Variants in NRG4 observed in about 807,000 individuals in gnomAD.
NRG4 encodes the protein neuregulin 4.
NRG4 carries 10 observed loss-of-function variants against 15.0 expected under a neutral mutation model. That is an observed-to-expected ratio of 0.67 (90% CI 0.41 to 1.13). The LOEUF (loss-of-function observed/expected upper bound fraction) is 1.13. Ranked by LOEUF, NRG4 falls within the 50% of genes most tolerant of loss-of-function variation. NRG4 has a pLI of 0.00. For missense variants in NRG4, 139 were observed against 140.2 expected (o/e 0.99, Z 0.04); for synonymous variants, 41 against 50.1 (o/e 0.82, Z 0.77).
chr15:75,993,213 T>G (rs1450996034), intron 3 of NRG4, among the ~76,000 whole-genome samples: 1 of 151,776 alleles, frequency 6.6e-6, no homozygotes, highest in Non-Finnish European at 1.5e-5. Context: ...GTTTGCTTGG[T>G]GTTTGTTGAG....
intron 5 of NRG4, among the ~76,000 whole-genome samples, chr15:76,029,999 C>T (rs1260031813): frequency 6.6e-6 from 1 of 152,140 alleles, no homozygotes; most frequent in East Asian, 1.9e-4. Flanking sequence ...TGGCTCATGT[C>T]TGTAATCCCA....
chr15:76,008,313 G>C (rs143383799), intron 3 of NRG4, among the ~76,000 whole-genome samples: 1 of 152,212 alleles, frequency 6.6e-6, no homozygotes, highest in African/African-American at 2.4e-5. Context: ...TGAGATAATT[G>C]TGAGGTTATT....
intron 3 of NRG4, among the ~76,000 whole-genome samples, chr15:75,992,574 G>A (rs967272988): frequency 8.6e-5 from 13 of 152,034 alleles, no homozygotes; most frequent in African/African-American, 2.9e-4. Flanking sequence ...ACAGGGTTGT[G>A]TAACCATCAC....
At chr15:75,979,795 A>G (rs1019920644) in intron 3 of NRG4, among the ~76,000 whole-genome samples, 1 of 152,178 alleles carries the variant, frequency 6.6e-6, no homozygotes, top group Non-Finnish European at 1.5e-5. Flanking sequence ...CTTTCATTAC[A>G]TAAATTTCTT....
At chr15:76,005,085 A>T (rs1457758395) in intron 3 of NRG4, among the ~76,000 whole-genome samples, 1 of 152,140 alleles carries the variant, frequency 6.6e-6, no homozygotes. Flanking sequence ...TAAGAAACTC[A>T]TAAGGGGGCT....
chr15:76,051,357 T>C (rs1321608909), intron 4 of NRG4, among the ~76,000 whole-genome samples: 3 of 149,878 alleles, frequency 2.0e-5, no homozygotes, highest in Non-Finnish European at 1.5e-5. Context: ...CCCAGGCTGG[T>C]CTGGAACACC....
Position 75,979,668 on chromosome 15 carries a change from A to G in NRG4, c.105-17694T>C, listed in dbSNP as rs538932503. On this transcript the variant is annotated intron_variant, in intron 3 of 5. Coordinates refer to ENST00000394907, the MANE Select transcript of NRG4 (RefSeq NM_138573.4). ...TTCATTGTTCACCCAACTATGATAC[A>G]TTTTATTTTCTGGATATTATATTAA... is the stretch of plus-strand genomic sequence containing the variant. Among the ~76,000 whole-genome samples, 6 of 152,254 alleles carry G rather than the reference A, an allele frequency of 3.9e-5. No individual in the cohort carries two copies. In the South Asian group the frequency reaches 6.2e-4, roughly 16 times the overall value.
At chr15:76,022,000 T>C (rs2035169449) in intron 5 of NRG4, among the ~76,000 whole-genome samples, 1 of 152,170 alleles carries the variant, frequency 6.6e-6, no homozygotes, top group African/African-American at 2.4e-5. Context: ...ATCCCTCACA[T>C]GTGCAGTTCA....
intron 2 of NRG4, among the ~76,000 whole-genome samples, chr15:76,055,553 G>C (rs2141971092): frequency 6.6e-6 from 1 of 152,234 alleles, no homozygotes; most frequent in Middle Eastern, 3.4e-3. Flanking sequence ...ACTTTTATGA[G>C]TTTACTTGGA....
chr15:75,954,041 T>C (rs531469504), intron 5 of NRG4, among the ~76,000 whole-genome samples: 10 of 152,234 alleles, frequency 6.6e-5, no homozygotes, highest in African/African-American at 2.4e-4. Context: ...TCTGCAAAAA[T>C]TTTTGACTCT....
At chr15:75,997,926 CA>C (rs745762861) in intron 3 of NRG4, among the ~76,000 whole-genome samples, 4 of 152,204 alleles carry the variant, frequency 2.6e-5, no homozygotes, top group African/African-American at 4.8e-5. Flanking sequence ...GAGGCTCAAA[CA>C]CAGAGGACCA....
At chr15:75,971,687 A>G (rs1413778535) in intron 3 of NRG4, among the ~76,000 whole-genome samples, 1 of 152,206 alleles carries the variant, frequency 6.6e-6, no homozygotes, top group Admixed American at 6.5e-5. Flanking sequence ...GAATATTCTT[A>G]AAATTCCCAG....
chr15:76,028,568 A>G (rs1387856708), intron 5 of NRG4, among the ~76,000 whole-genome samples: 1 of 151,988 alleles, frequency 6.6e-6, no homozygotes, highest in Non-Finnish European at 1.5e-5. Flanking sequence ...TTAAAGAAGA[A>G]TTAAAAGTAA....
intron 3 of NRG4, among the ~76,000 whole-genome samples, chr15:76,006,518 C>T (rs1273655065): frequency 6.6e-6 from 1 of 152,040 alleles, no homozygotes; most frequent in Non-Finnish European, 1.5e-5. Context: ...TACCCCACTC[C>T]CCTACTTCAC....
intron 5 of NRG4, among the ~76,000 whole-genome samples, chr15:76,034,175 C>G (rs2035544437): frequency 1.3e-5 from 2 of 152,224 alleles, no homozygotes; most frequent in South Asian, 4.1e-4. Context: ...ATCTGACCAT[C>G]TGAATAGGCA....
chr15:75,935,601 C>A (rs955938773), downstream of NRG4: 4 of 149,848 alleles, frequency 2.7e-5, no homozygotes, highest in African/African-American at 9.9e-5. Context: ...TCCACCCTTG[C>A]AGACTGATAA....
intron 3 of NRG4, among the ~76,000 whole-genome samples, chr15:76,005,303 G>T (rs923244309): frequency 1.3e-5 from 2 of 150,576 alleles, no homozygotes; most frequent in African/African-American, 4.9e-5. Flanking sequence ...GATCACTTGA[G>T]CCCAGGAGTT....
chr15:76,008,027 T>C (rs1303161013), intron 3 of NRG4, among the ~76,000 whole-genome samples: 1 of 152,236 alleles, frequency 6.6e-6, no homozygotes, highest in South Asian at 2.1e-4. Flanking sequence ...GGATTATCTA[T>C]GGAAATGTTC....
chr15:76,000,552 A>C (rs926647485), intron 3 of NRG4, among the ~76,000 whole-genome samples: 1 of 152,204 alleles, frequency 6.6e-6, no homozygotes, highest in Non-Finnish European at 1.5e-5. Flanking sequence ...CACGTACCCA[A>C]ATATATTGGT....
Sources: allele counts gnomAD v4.1 joint callset (sites outside exome capture counted in the v4.1 genomes callset), GRCh38; gene constraint gnomAD v4.1.1; transcripts MANE v1.5; gene names NCBI Gene and HGNC (gene_info 2026-07-23, HGNC 2026-07-21).